Variants in TNNI3K observed in about 807,000 individuals in gnomAD.
TNNI3K encodes serine/threonine-protein kinase TNNI3K.
Under a neutral mutation model 114.5 loss-of-function variants are expected in TNNI3K, and 140 were observed. That is an observed-to-expected ratio of 1.22 (90% CI 1.07 to 1.41). The LOEUF is 1.41. Ranked by LOEUF, TNNI3K falls within the 40% of genes most tolerant of loss-of-function variation. The pLI is 0.00. For missense variants in TNNI3K, 1,125 were observed against 1,007.6 expected (o/e 1.12, Z -1.58); for synonymous variants, 347 against 347.5 (o/e 1.00, Z 0.02).
intron 5 of TNNI3K, among the ~76,000 whole-genome samples, chr1:74,283,838 TATTA>T (rs1451397963): frequency 2.6e-5 from 4 of 152,216 alleles, no homozygotes; most frequent in Non-Finnish European, 4.4e-5. Context: ...TAATTCATGT[TATTA>T]ATTAACATGT....
chr1:74,272,336 AT>A (rs374913004), intron 5 of TNNI3K, among the ~76,000 whole-genome samples: 7 of 151,972 alleles, frequency 4.6e-5, no homozygotes, highest in African/African-American at 1.7e-4. Flanking sequence ...AGTGAGTACC[AT>A]AAAAATAATA....
chr1:74,346,999 T>G (rs1661035638), intron 9 of TNNI3K, among the ~76,000 whole-genome samples: 3 of 144,058 alleles, frequency 2.1e-5, no homozygotes, highest in Non-Finnish European at 4.4e-5. Context: ...TATTTATTAA[T>G]TATTATTATT....
intron 23 of TNNI3K, among the ~76,000 whole-genome samples, chr1:74,500,179 ATTTT>A (rs1191034533): frequency 6.6e-6 from 1 of 151,972 alleles, no homozygotes; most frequent in East Asian, 1.9e-4. Flanking sequence ...AATTTCCAGT[ATTTT>A]ATCTTCATCA....
At position 74,369,096 on chromosome 1, in the gene TNNI3K, C is replaced by T. The variant is rs1662445938; in HGVS notation, c.1396C>T (p.His466Tyr). ...FHLQLSEIEFHEIIGSGSFGK... is the reference protein window; with the variant it reads ...FHLQLSEIEFYEIIGSGSFGK... ...TCTTCAGCTCTCAGAAATTGAGTTC[C>T]ATGAGATTATTGGCTCAGGTAACCT... The change falls in exon 14 of 25, where the codon CAT (histidine) becomes TAT (tyrosine). Residue 466 changes from histidine (H) to tyrosine (Y), a missense_variant. Coordinates refer to ENST00000326637, the MANE Select transcript of TNNI3K (RefSeq NM_015978.3). 1 of 1,610,154 alleles carries T rather than the reference C, an allele frequency of 6.2e-7. No individual in the cohort carries two copies. The highest frequency in any genetic ancestry group is 8.5e-7 in the Non-Finnish European group (1 of 1,178,308).
intron 23 of TNNI3K, among the ~76,000 whole-genome samples, chr1:74,505,196 C>A (rs1669831875): frequency 6.6e-6 from 1 of 152,144 alleles, no homozygotes; most frequent in South Asian, 2.1e-4. Flanking sequence ...AGACTTGGCC[C>A]AAAAATGCTG....
At chr1:74,296,633 G>A (rs982871644) in intron 5 of TNNI3K, among the ~76,000 whole-genome samples, 18 of 151,360 alleles carry the variant, frequency 1.2e-4, no homozygotes, top group African/African-American at 4.1e-4. Flanking sequence ...GTATTTTCTG[G>A]TTTTGCTTGT....
intron 21 of TNNI3K, chr1:74,470,220 C>A (rs1165637606): frequency 2.5e-6 from 1 of 400,496 alleles, no homozygotes. Context: ...CTGTAATGGT[C>A]TCCTCGGCAG....
At chr1:74,351,271 CT>C (rs1202947925) in intron 9 of TNNI3K, among the ~76,000 whole-genome samples, 2 of 151,350 alleles carry the variant, frequency 1.3e-5, no homozygotes, top group African/African-American at 4.8e-5. Context: ...AAATTCTTTT[CT>C]TTAAGAATGT....
chr1:74,439,057 T>A (rs1666261165), intron 19 of TNNI3K: 1 of 153,100 alleles, frequency 6.5e-6, no homozygotes, highest in Non-Finnish European at 1.5e-5. Context: ...TCCCACAGTG[T>A]GTGATTCACT....
intron 4 of TNNI3K, among the ~76,000 whole-genome samples, chr1:74,265,347 G>A (rs1655906414): frequency 6.6e-6 from 1 of 151,946 alleles, no homozygotes; most frequent in African/African-American, 2.4e-5. Flanking sequence ...AGGAAAAATT[G>A]CCTATGAAAG....
chr1:74,337,171 T>G (rs1229858794), intron 7 of TNNI3K, among the ~76,000 whole-genome samples: 1 of 152,208 alleles, frequency 6.6e-6, no homozygotes, highest in East Asian at 1.9e-4. Flanking sequence ...TCTGTTCATG[T>G]CCTTCACCCA....
At chr1:74,433,941 G>T (rs933977648) in intron 17 of TNNI3K, among the ~76,000 whole-genome samples, 2 of 151,972 alleles carry the variant, frequency 1.3e-5, no homozygotes, top group African/African-American at 4.8e-5. Context: ...TTTTGTTGTT[G>T]TTGTTGTCTT....
chr1:74,293,793 A>C (rs1036416048), intron 5 of TNNI3K, among the ~76,000 whole-genome samples: 1 of 151,764 alleles, frequency 6.6e-6, no homozygotes, highest in Non-Finnish European at 1.5e-5. Context: ...AGCATTAGCT[A>C]TAGAGTTTCT....
intron 20 of TNNI3K, among the ~76,000 whole-genome samples, chr1:74,441,522 A>T (rs1666373468): frequency 6.6e-6 from 1 of 152,182 alleles, no homozygotes. Flanking sequence ...GTTTCCATTG[A>T]ATAAATGAGT....
intron 23 of TNNI3K, among the ~76,000 whole-genome samples, chr1:74,536,573 A>G (rs1646662892): frequency 6.6e-6 from 1 of 152,178 alleles, no homozygotes; most frequent in Non-Finnish European, 1.5e-5. Context: ...TAGCACTAAA[A>G]TAATATATAC....
intron 5 of TNNI3K, among the ~76,000 whole-genome samples, chr1:74,281,172 G>A (rs1656989188): frequency 6.6e-6 from 1 of 152,122 alleles, no homozygotes; most frequent in Non-Finnish European, 1.5e-5. Context: ...AACATGAGTG[G>A]TAGCCAAGAA....
At chr1:74,398,449 C>T (rs1390915032) in intron 17 of TNNI3K, among the ~76,000 whole-genome samples, 1 of 152,092 alleles carries the variant, frequency 6.6e-6, no homozygotes, top group East Asian at 1.9e-4. Context: ...GGTTGTGCGA[C>T]CTGCCAGACG....
chr1:74,477,418 A>G (rs1291001777), intron 21 of TNNI3K, among the ~76,000 whole-genome samples: 1 of 152,122 alleles, frequency 6.6e-6, no homozygotes, highest in African/African-American at 2.4e-5. Flanking sequence ...CTGAGCTACC[A>G]TTGTTTAGGT....
chr1:74,458,927 A>G (rs904968095), intron 20 of TNNI3K, among the ~76,000 whole-genome samples: 6 of 152,084 alleles, frequency 3.9e-5, no homozygotes, highest in Admixed American at 1.3e-4. Flanking sequence ...CTCCTCTAGT[A>G]GTCTGCAGTG....
Sources: allele counts gnomAD v4.1 joint callset (sites outside exome capture counted in the v4.1 genomes callset), GRCh38; gene constraint gnomAD v4.1.1; transcripts MANE v1.5; gene names NCBI Gene and HGNC (gene_info 2026-07-23, HGNC 2026-07-21).